The following ZNF678 variants were observed in gnomAD, a reference collection of about 807,000 sequenced individuals.
The protein encoded by ZNF678 is zinc finger protein 678.
In ZNF678, 5 loss-of-function variants were observed where a neutral mutation model predicts 3.0. The ratio of observed to expected loss-of-function variants is 1.69; its 90% CI spans 0.88 to 3.56. The LOEUF (loss-of-function observed/expected upper bound fraction) is 3.56. Among genes scored for constraint, ZNF678 ranks in the 30% most tolerant of loss-of-function variants. ZNF678 has a pLI of 0.00. For synonymous variants in ZNF678, 218 were observed against 199.6 expected (o/e 1.09, Z -0.78); for missense variants, 593 against 605.0 (o/e 0.98, Z 0.21).
intron 1 of ZNF678, among the ~76,000 whole-genome samples, chr1:227,614,551 AG>A (rs1658097602): frequency 6.6e-6 from 1 of 152,210 alleles, no homozygotes; most frequent in Non-Finnish European, 1.5e-5. Context: ...CAAATGGCAA[AG>A]CCTCCCTTCT....
intron 1 of ZNF678, among the ~76,000 whole-genome samples, chr1:227,591,795 A>G (rs1227987327): frequency 6.6e-6 from 1 of 152,218 alleles, no homozygotes; most frequent in Non-Finnish European, 1.5e-5. Flanking sequence ...ATAGGACCAT[A>G]GCAACCTTTT....
chr1:227,597,363 C>T (rs59753688), intron 1 of ZNF678, among the ~76,000 whole-genome samples: 34,424 of 152,164 alleles, frequency 0.23, 4,264 homozygotes, highest in East Asian at 0.44. Flanking sequence ...ATAGCCATCA[C>T]GAACGTGTCA....
chr1:227,627,038 C>T (rs1208585707), intron 1 of ZNF678, among the ~76,000 whole-genome samples: 1 of 147,128 alleles, frequency 6.8e-6, no homozygotes, highest in East Asian at 2.0e-4. Context: ...ATCTAGTTGC[C>T]AGTCTTCTCC....
Position 227,655,207 on chromosome 1 carries a change from A to T in ZNF678, c.957A>T (p.Lys319Asn). ...TRHKRIHTGE[K>N]PYQCEECGKT... ...ATAAAAGAATTCATACTGGAGAAAAACCCTACCAATGTGAAGAATGTGGCA... is the reference window on the plus strand; with the variant it reads ...ATAAAAGAATTCATACTGGAGAAAATCCCTACCAATGTGAAGAATGTGGCA... The change falls in exon 4 of 4, where the codon AAA (lysine) becomes AAT (asparagine). Residue 319 changes from lysine (K) to asparagine (N), a missense_variant. By Grantham distance (94) the Lys-to-Asn change is moderately conservative. Transcript: ENST00000343776. The T allele has an allele frequency of 6.2e-7, 1 of 1,612,490 alleles. No homozygotes were observed. Among genetic ancestry groups the T allele is most frequent in the South Asian group, 1.1e-5 (1 of 91,014 alleles).
At chr1:227,578,192 G>C (rs1334268817) in intron 1 of ZNF678, among the ~76,000 whole-genome samples, 3 of 152,108 alleles carry the variant, frequency 2.0e-5, no homozygotes, top group Non-Finnish European at 2.9e-5. Flanking sequence ...TTCAACCTCA[G>C]AGAATCTGAT....
At chr1:227,631,114 C>T (rs191345168) in intron 1 of ZNF678, among the ~76,000 whole-genome samples, 5 of 152,034 alleles carry the variant, frequency 3.3e-5, no homozygotes, top group Admixed American at 6.6e-5. Context: ...ATCTTAGGGG[C>T]GTTTTTGCCT....
chr1:227,629,671 G>A (rs532576608), intron 1 of ZNF678, among the ~76,000 whole-genome samples: 10 of 152,324 alleles, frequency 6.6e-5, no homozygotes, highest in Admixed American at 3.9e-4. Flanking sequence ...CGCTTGCCCC[G>A]GGAACCCTCA....
At chr1:227,611,411 C>CCTAA (rs1571885524) in intron 1 of ZNF678, among the ~76,000 whole-genome samples, 1 of 152,166 alleles carries the variant, frequency 6.6e-6, no homozygotes, top group Admixed American at 6.5e-5. Context: ...AATCAGCCTC[C>CCTAA]CTCACTCACT....
intron 1 of ZNF678, among the ~76,000 whole-genome samples, chr1:227,582,340 G>T (rs1657151079): frequency 1.3e-5 from 2 of 151,832 alleles, no homozygotes; most frequent in African/African-American, 4.8e-5. Flanking sequence ...TATGAGATAG[G>T]TTTTACTCTG....
intron 1 of ZNF678, among the ~76,000 whole-genome samples, chr1:227,588,310 T>C (rs1465028889): frequency 6.6e-6 from 1 of 152,198 alleles, no homozygotes; most frequent in Non-Finnish European, 1.5e-5. Flanking sequence ...CATGTATCTT[T>C]ATAAAAGAAT....
chr1:227,678,919 ATC>A (rs1039613511), downstream of ZNF678, among the ~76,000 whole-genome samples: 2 of 152,320 alleles, frequency 1.3e-5, no homozygotes, highest in Admixed American at 6.5e-5. Context: ...TAATCCTTAC[ATC>A]TCTCATAATT....
intron 1 of ZNF678, among the ~76,000 whole-genome samples, chr1:227,642,605 C>G (rs1037773359): frequency 6.6e-6 from 1 of 152,054 alleles, no homozygotes; most frequent in African/African-American, 2.4e-5. Context: ...AATTTACTTT[C>G]CTGGCCTCAT....
intron 1 of ZNF678, among the ~76,000 whole-genome samples, chr1:227,640,488 A>AGGAGAAG (rs1658792517): frequency 6.6e-6 from 1 of 152,014 alleles, no homozygotes; most frequent in South Asian, 2.1e-4. Flanking sequence ...AAGGGAATGG[A>AGGAGAAG]GGAGAAGGAT....
chr1:227,579,658 G>A (rs66736638), intron 1 of ZNF678, among the ~76,000 whole-genome samples: 32,764 of 151,978 alleles, frequency 0.22, 3,941 homozygotes, highest in East Asian at 0.44. Context: ...TTCACCAGTC[G>A]GGCATAGTGC....
chr1:227,606,948 G>T (rs370634931), intron 1 of ZNF678, among the ~76,000 whole-genome samples: 3 of 152,132 alleles, frequency 2.0e-5, no homozygotes, highest in Non-Finnish European at 2.9e-5. Context: ...TCTTTGTACA[G>T]ATAAAAATGA....
At chr1:227,675,698 T>C (rs1307779348) in intron 5 of ZNF678, among the ~76,000 whole-genome samples, 1 of 152,064 alleles carries the variant, frequency 6.6e-6, no homozygotes, top group Non-Finnish European at 1.5e-5. Context: ...GGCAACATGG[T>C]ACACACTCCA....
At chr1:227,651,158 T>C in intron 3 of ZNF678, 82 bp downstream of exon 3, 1 of 1,490,148 alleles carries the variant, frequency 6.7e-7, no homozygotes, top group Non-Finnish European at 9.1e-7. Flanking sequence ...ACCTGAGTCC[T>C]AAGGTTGTTG....
intron 1 of ZNF678, among the ~76,000 whole-genome samples, chr1:227,590,316 A>G (rs566531153): frequency 6.6e-6 from 1 of 151,636 alleles, no homozygotes; most frequent in African/African-American, 2.4e-5. Context: ...TAAATTTTCT[A>G]CAGACTTCTC....
At chr1:227,573,439 G>T (rs551988660) in intron 1 of ZNF678, among the ~76,000 whole-genome samples, 6 of 152,282 alleles carry the variant, frequency 3.9e-5, no homozygotes, top group African/African-American at 1.2e-4. Context: ...TTCATGATAT[G>T]ATTTCAGGTC....
Sources: allele counts gnomAD v4.1 joint callset (sites outside exome capture counted in the v4.1 genomes callset), GRCh38; gene constraint gnomAD v4.1.1; transcripts MANE v1.5; gene names NCBI Gene and HGNC (gene_info 2026-07-23, HGNC 2026-07-21).